The following B4GALT3 variants were observed in gnomAD, a reference collection of about 807,000 sequenced individuals.
B4GALT3 encodes the protein N-acetyllactosamine synthase.
B4GALT3 carries 29 observed loss-of-function variants against 40.7 expected under a neutral mutation model. The ratio of observed to expected loss-of-function variants is 0.71; its 90% CI spans 0.53 to 0.97. The LOEUF (loss-of-function observed/expected upper bound fraction) is 0.97, where lower values mean the gene tolerates loss of function less well. B4GALT3 is among the 50% of genes least tolerant of loss of function. The probability of loss-of-function intolerance (pLI) is 0.00; values close to 1 mark genes in which losing one functional copy is unlikely to be tolerated. For synonymous variants in B4GALT3, 182 were observed against 203.9 expected, an observed-to-expected ratio of 0.89 and a Z score of 0.92; for missense variants, 390 against 522.3, an observed-to-expected ratio of 0.75 and a Z score of 2.47.
intron 7 of B4GALT3, 35 bp downstream of exon 7, chr1:161,172,192 G>A (rs1661696004): frequency 6.2e-7 from 1 of 1,612,664 alleles, no homozygotes; most frequent in African/African-American, 1.3e-5. Context: ...TGAGGATCCA[G>A]TAACAATTCC....
chr1:161,177,055 T>C (rs772947774), intron 1 of B4GALT3: 25 of 1,535,660 alleles, frequency 1.6e-5, no homozygotes, highest in Non-Finnish European at 2.1e-5. Flanking sequence ...TGGCGTCCTC[T>C]ACCTTTTCTA....
intron 1 of B4GALT3, chr1:161,176,786 C>G (rs562512256): frequency 7.0e-7 from 1 of 1,433,838 alleles, no homozygotes; most frequent in Admixed American, 2.0e-5. Context: ...CGTACCCCCA[C>G]CCCAACAGGA....
At chr1:161,176,211 G>T (rs1043603037) in intron 2 of B4GALT3, 137 bp from the exon 3 acceptor site, 85 of 938,396 alleles carry the variant, frequency 9.1e-5, no homozygotes, top group Non-Finnish European at 1.2e-4. Context: ...GGAGCACACA[G>T]GTGCACAGTC....
At chr1:161,176,671 G>A (rs1273238665) in intron 1 of B4GALT3, 92 bp from the exon 2 acceptor site, 2 of 603,292 alleles carry the variant, frequency 3.3e-6, no homozygotes, top group Non-Finnish European at 5.9e-6. Flanking sequence ...CGAAGTGAAG[G>A]AAAGTGGTTG....
At chr1:161,176,161 A>G in intron 2 of B4GALT3, 87 bp from the exon 3 acceptor site, 1 of 1,403,690 alleles carries the variant, frequency 7.1e-7, no homozygotes, top group Non-Finnish European at 9.7e-7. Context: ...AGGTGATGCC[A>G]GGGGTAAAGA....
chr1:161,176,413 G>C, intron 2 of B4GALT3, 21 bp downstream of exon 2: 1 of 403,744 alleles, frequency 2.5e-6, no homozygotes, highest in South Asian at 2.9e-5. Flanking sequence ...TCCAATTTTA[G>C]AAGGGAAGAG....
intron 1 of B4GALT3, chr1:161,176,797 C>T: frequency 2.0e-6 from 3 of 1,471,618 alleles, no homozygotes; most frequent in East Asian, 2.5e-5. Context: ...CCCAACAGGA[C>T]AGATTGGGGA....
Position 161,172,099 on chromosome 1 carries a change from A to T in B4GALT3, c.909-10T>A. 6.2e-7 allele frequency: 1 copy of T among 1,613,150 alleles called. No individual in the cohort carries two copies. Among genetic ancestry groups the T allele is most frequent in the Non-Finnish European group, 8.5e-7 (1 of 1,179,200 alleles). Reference sequence around the variant, plus strand: ...GACCAGGAGGTCAAATCTGAGGGTTAGAGGTTGGAGACTAAGACCCAGAAA... The same window carrying T: ...GACCAGGAGGTCAAATCTGAGGGTTTGAGGTTGGAGACTAAGACCCAGAAA... On this transcript the variant is annotated splice_polypyrimidine_tract_variant and intron_variant, in intron 7 of 7. Transcript: ENST00000319769.
rs754159506 is a variant in B4GALT3, at chr1:161,175,179, A to G, written c.303T>C (p.Ile101=). The G allele has an allele frequency of 1.9e-6, 3 of 1,613,740 alleles. No homozygotes were observed. Among genetic ancestry groups the G allele is most frequent in the South Asian group, 2.2e-5 (2 of 91,060 alleles). ...SFSPVPSLAE[I]VERNPRVEPG... The stretch of plus-strand genomic sequence containing the variant: ...GTTCTACCCGGGGATTCCGCTCCAC[A>G]ATCTCTGCCAGTGATGGCACTGGGC... Residue 101 remains isoleucine, a synonymous_variant, in exon 4 of 8, where the codon ATT becomes ATC. Coordinates refer to ENST00000319769, the MANE Select transcript of B4GALT3 (RefSeq NM_003779.4).
intron 1 of B4GALT3, chr1:161,177,093 G>A: frequency 2.0e-6 from 3 of 1,530,132 alleles, no homozygotes; most frequent in South Asian, 1.2e-5. Flanking sequence ...CGGGGGTGGG[G>A]AGGAGGGTTA....
In B4GALT3 at chr1:161,171,754, G is replaced by C. The variant is rs1661505777; in HGVS notation, c.*62C>G. ...CCCTCTGAGAACAGTGAGGAGCTGAGGGTGGGGAGAATACAACCCCATGAA... is the reference window on the plus strand; with the variant it reads ...CCCTCTGAGAACAGTGAGGAGCTGACGGTGGGGAGAATACAACCCCATGAA... On this transcript the variant is annotated 3_prime_UTR_variant, in exon 8 of 8. Transcript: ENST00000319769. The C allele has an allele frequency of 2.5e-6, 4 of 1,578,220 alleles. No homozygotes were observed. The highest frequency in any genetic ancestry group is 2.2e-5 in the East Asian group (1 of 44,678).
chr1:161,172,001 G>A lies in B4GALT3; in HGVS notation c.997C>T (p.Pro333Ser). 6.2e-7 allele frequency: 1 copy of A among 1,614,126 alleles called. No homozygotes were observed. The highest frequency in any genetic ancestry group is 8.5e-7 in the Non-Finnish European group (1 of 1,180,030). Residue 333 changes from proline to serine, a missense_variant, in exon 8 of 8, where the codon CCT becomes TCT. Coordinates refer to ENST00000319769, the MANE Select transcript of B4GALT3 (RefSeq NM_003779.4). ...TCTGCTGTGATGTTGGTATAAAGAG[G>A]CCCCAGCTCTCGAGCCAGCAACTGG... ...TYQLLARELG[P>S]LYTNITADIG...
At position 161,172,294 on chromosome 1, in the gene B4GALT3, T is replaced by TG. The variant is rs1661741575; in HGVS notation, c.840dup (p.Thr281HisfsTer7). ...ACCATCTTATAGTGTCCTACAGATG[T>TG]GGGGGGCCGAGAGATCTTCATCCCA... On this transcript the variant is annotated frameshift_variant, in exon 7 of 8. Transcript: ENST00000319769. LOFTEE classifies it high-confidence loss of function. The TG allele has an allele frequency of 6.2e-7, 1 of 1,613,966 alleles. No homozygotes were observed. Among genetic ancestry groups the TG allele is most frequent in the African/African-American group, 1.3e-5 (1 of 74,942 alleles).
rs1661373265 is a variant in B4GALT3 at position 161,171,374 on chromosome 1, G to C, written c.*442C>G. On this transcript the variant is annotated 3_prime_UTR_variant, in exon 8 of 8. Transcript: ENST00000319769. ...CCAGCCCCCTGAGCCAGGACCAGAA[G>C]AGGGAGCTATTCCAGCATAGGCAGA... 1.1e-6 allele frequency: 1 copy of C among 945,210 alleles called. No individual in the cohort carries two copies. Among genetic ancestry groups the C allele is most frequent in the Non-Finnish European group, 1.6e-6 (1 of 633,370 alleles). 58.6% of individuals were successfully genotyped at this position (945,210 alleles called of 1,614,324 possible).
rs1046065428 is a variant in B4GALT3, at chr1:161,174,870, C to A, written c.489+123G>T. 1.5e-5 allele frequency: 16 copies of A among 1,055,280 alleles called. No homozygotes were observed. In the Admixed American group the frequency reaches 4.0e-4, roughly 26 times the overall value. The allele number at this position is 1,055,280 out of a possible 1,614,324, so 65.4% of individuals were successfully genotyped here. A position where few individuals can be genotyped will look rare whatever the true frequency, so the allele number is the denominator to read the frequency against. Reference sequence around the variant, plus strand: ...AAGAGCAGTGCCGGGTGCTTCTCCACACTCTAACAGTCTGGCCTTCTTAAA... The same window carrying A: ...AAGAGCAGTGCCGGGTGCTTCTCCAAACTCTAACAGTCTGGCCTTCTTAAA... On this transcript the variant is annotated intron_variant, in intron 4 of 7. Transcript: ENST00000319769.
chr1:161,171,439 C>G lies in B4GALT3; in HGVS notation c.*377G>C. On this transcript the variant is annotated 3_prime_UTR_variant, in exon 8 of 8. Transcript: ENST00000319769. Reference sequence around the variant, plus strand: ...GGGCTTCCTTCACCAAACAACTTCCCGGGAACCATAAATAGAATAAATATT... The same window carrying G: ...GGGCTTCCTTCACCAAACAACTTCCGGGGAACCATAAATAGAATAAATATT... 3.2e-6 allele frequency: 2 copies of G among 618,392 alleles called. No individual in the cohort carries two copies. Among genetic ancestry groups the G allele is most frequent in the Non-Finnish European group, 5.6e-6 (2 of 358,126 alleles). The allele number at this position is 618,392 out of a possible 1,614,324, so 38.3% of individuals were successfully genotyped here. A position where few individuals can be genotyped will look rare whatever the true frequency, so the allele number is the denominator to read the frequency against.
chr1:161,175,295 G>T, intron 3 of B4GALT3, 67 bp from the exon 4 acceptor site: 1 of 1,411,796 alleles, frequency 7.1e-7, no homozygotes, highest in South Asian at 1.2e-5. Flanking sequence ...ACTAGGGTTT[G>T]GGAATACCTC....
chr1:161,171,319 A>G lies in B4GALT3; in HGVS notation c.*497T>C. 1 of 1,362,610 alleles carries G rather than the reference A, an allele frequency of 7.3e-7. No homozygotes were observed. 84.4% of individuals were successfully genotyped at this position (1,362,610 alleles called of 1,614,324 possible). On this transcript the variant is annotated 3_prime_UTR_variant, in exon 8 of 8. Transcript: ENST00000319769. ...AGAAAGCAGGAGCAGATGCGAGACAAAGTCCTTTATTAGAAAATATATCAA... is the reference window on the plus strand; with the variant it reads ...AGAAAGCAGGAGCAGATGCGAGACAGAGTCCTTTATTAGAAAATATATCAA...
chr1:161,173,564 C>A, intron 6 of B4GALT3, 41 bp downstream of exon 6: 1 of 1,612,410 alleles, frequency 6.2e-7, no homozygotes, highest in Non-Finnish European at 8.5e-7. Flanking sequence ...GACAGGGATC[C>A]AGACTGGGGT....
Sources: allele counts gnomAD v4.1 joint callset, GRCh38; gene constraint gnomAD v4.1.1; transcripts MANE v1.5; gene names NCBI Gene and HGNC (gene_info 2026-07-23, HGNC 2026-07-21).